The following C6orf120 variants were observed in gnomAD, a reference collection of about 807,000 sequenced individuals.
C6orf120 encodes chromosome 6 open reading frame 120.
For synonymous variants in C6orf120, 165 were observed against 123.1 expected (o/e 1.34, Z -2.25); for missense variants, 311 against 264.2 (o/e 1.18, Z -1.23).
chr6:169,702,854 A>G (rs1382492433), exon 1 of C6orf120: 10 of 1,611,916 alleles, frequency 6.2e-6, no homozygotes, highest in Non-Finnish European at 7.6e-6. Flanking sequence ...TTCGAGATGA[A>G]GGTGTACTAC....
chr6:169,702,285 C>T (rs1231161158), exon 1 of C6orf120: 7 of 677,922 alleles, frequency 1.0e-5, no homozygotes, highest in East Asian at 2.7e-5. Flanking sequence ...GTTAACCCAC[C>T]CCTCCTCCCC....
chr6:169,702,663 G>C (rs143772098), exon 1 of C6orf120: 1 of 1,613,304 alleles, frequency 6.2e-7, no homozygotes, highest in African/African-American at 1.3e-5. Context: ...TAGTCCTCAG[G>C]ATGCGCAGCC....
exon 1 of C6orf120, chr6:169,702,860 A>G (rs745735863): frequency 1.2e-6 from 2 of 1,612,008 alleles, no homozygotes; most frequent in Admixed American, 1.7e-5. Flanking sequence ...ATGAAGGTGT[A>G]CTACGACGGC....
chr6:169,704,458 C>T (rs1269594512), exon 1 of C6orf120: 1 of 208,796 alleles, frequency 4.8e-6, no homozygotes, highest in African/African-American at 2.3e-5. Context: ...AGCTGTGTGT[C>T]TTAACAGCAT....
At chr6:169,702,552 C>A in exon 1 of C6orf120, 1 of 1,612,608 alleles carries the variant, frequency 6.2e-7, no homozygotes, top group Non-Finnish European at 8.5e-7. Flanking sequence ...GCTGCGCGGA[C>A]GAGGAGGAGG....
At chr6:169,703,934 A>G in exon 1 of C6orf120, 4 of 1,265,030 alleles carry the variant, frequency 3.2e-6, no homozygotes, top group Non-Finnish European at 4.4e-6. Flanking sequence ...ATTGGCATGA[A>G]AATAATGTTG....
chr6:169,705,101 A>G, downstream of C6orf120: 1 of 1,538,370 alleles, frequency 6.5e-7, no homozygotes, highest in Non-Finnish European at 8.8e-7. Flanking sequence ...TCATCACCCA[A>G]AGATAATGTT....
exon 1 of C6orf120, chr6:169,704,138 G>A: frequency 2.1e-6 from 3 of 1,396,152 alleles, no homozygotes; most frequent in Non-Finnish European, 2.9e-6. Context: ...TTACAGGACT[G>A]AATTTTAAGC....
At chr6:169,705,857 C>T (rs2128328654), downstream of C6orf120, 2 of 639,104 alleles carry the variant, frequency 3.1e-6, no homozygotes, top group South Asian at 3.7e-5. Flanking sequence ...AAAGACAAAA[C>T]TTGACAGGAG....
rs570864659 is a variant in C6orf120 at position 169,704,201 on chromosome 6, T to C, written c.*1166T>C. 128 of 747,498 alleles carry C rather than the reference T, an allele frequency of 1.7e-4. No individual in the cohort carries two copies. The African/African-American group carries it at 1.8e-3, about 10-fold the overall frequency. The allele number at this position is 747,498 out of a possible 1,614,324, so 46.3% of individuals were successfully genotyped here. A position where few individuals can be genotyped will look rare whatever the true frequency, so the allele number is the denominator to read the frequency against. On this transcript the variant is annotated 3_prime_UTR_variant, in exon 1 of 1. Coordinates refer to ENST00000332290, the Ensembl canonical transcript of C6orf120. ...CACTAATGATATTCCTCTCTGGATT[T>C]TGTGGTGAGAAGGGCACTATGAGTT... is the stretch of plus-strand genomic sequence containing the variant.
exon 1 of C6orf120, chr6:169,702,730 G>A: frequency 6.2e-7 from 1 of 1,613,516 alleles, no homozygotes; most frequent in Non-Finnish European, 8.5e-7. Context: ...CAGCTTCGAC[G>A]ACTACGAGCT....
rs565029181 is a variant in C6orf120 at position 169,702,217 on chromosome 6, G to C, written c.-243G>C. 4.7e-4 allele frequency: 323 copies of C among 685,328 alleles called. No individual in the cohort carries two copies. The African/African-American group carries it at 5.4e-3, about 11-fold the overall frequency. 42.5% of individuals were successfully genotyped at this position (685,328 alleles called of 1,614,324 possible). A position where few individuals can be genotyped will look rare whatever the true frequency, so the allele number is the denominator to read the frequency against. ...TGGTGGTGAGTCCGAGGGTGCCACA[G>C]CGGCCCTGCCCCTGCCCCTGCCCCT... On this transcript the variant is annotated 5_prime_UTR_variant, in exon 1 of 1. Coordinates refer to ENST00000332290, the Ensembl canonical transcript of C6orf120.
chr6:169,704,403 C>T (rs1410669380), exon 1 of C6orf120: 2 of 302,388 alleles, frequency 6.6e-6, no homozygotes, highest in Non-Finnish European at 1.3e-5. Flanking sequence ...AAAACCCATT[C>T]CGGAATTTGG....
At chr6:169,702,841 G>A in exon 1 of C6orf120, 1 of 1,612,162 alleles carries the variant, frequency 6.2e-7, no homozygotes, top group Non-Finnish European at 8.5e-7. Context: ...CCTGGAGAGC[G>A]AGTTCGAGAT....
chr6:169,704,273 C>T (rs2128328146), exon 1 of C6orf120: 2 of 518,690 alleles, frequency 3.9e-6, no homozygotes, highest in South Asian at 7.0e-5. Context: ...TAATCAATGC[C>T]ATGCAAAATT....
At chr6:169,703,928 G>A (rs1392124534) in exon 1 of C6orf120, 2 of 1,193,456 alleles carry the variant, frequency 1.7e-6, no homozygotes, top group South Asian at 1.5e-5. Flanking sequence ...TCTTTTATTG[G>A]CATGAAAATA....
downstream of C6orf120, chr6:169,705,840 C>G: frequency 1.5e-6 from 1 of 662,034 alleles, no homozygotes; most frequent in Non-Finnish European, 2.8e-6. Context: ...TAATGAGGAC[C>G]ATTTTGAAAG....
Position 169,702,222 on chromosome 6 carries a change from C to A in C6orf120, c.-238C>A, listed in dbSNP as rs373935520. 24 of 662,390 alleles carry A rather than the reference C, an allele frequency of 3.6e-5. No homozygotes were observed. In the Middle Eastern group the frequency reaches 1.6e-3, roughly 45 times the overall value. 41.0% of individuals were successfully genotyped at this position (662,390 alleles called of 1,614,324 possible). On this transcript the variant is annotated 5_prime_UTR_variant, in exon 1 of 1. Coordinates refer to ENST00000332290, the Ensembl canonical transcript of C6orf120. ...GTGAGTCCGAGGGTGCCACAGCGGC[C>A]CTGCCCCTGCCCCTGCCCCTGCCCT...
downstream of C6orf120, among the ~76,000 whole-genome samples, chr6:169,706,268 C>G (rs1788780696): frequency 6.6e-6 from 1 of 152,118 alleles, no homozygotes; most frequent in Non-Finnish European, 1.5e-5. Flanking sequence ...ATGTCTCATG[C>G]ATACATTGGC....
Sources: allele counts gnomAD v4.1 joint callset (sites outside exome capture counted in the v4.1 genomes callset), GRCh38; gene constraint gnomAD v4.1.1; transcripts MANE v1.5; gene names NCBI Gene and HGNC (gene_info 2026-07-23, HGNC 2026-07-21).